ASH1L: variants seen among roughly 807,000 people sequenced by gnomAD.
ASH1L encodes ASH1 like histone lysine methyltransferase, also known as histone-lysine N-methyltransferase ASH1L.
A neutral mutation model predicts 269.0 loss-of-function variants in ASH1L; 23 were observed. The observed-to-expected ratio is 0.09, with a 90% confidence interval of 0.06 to 0.12. The LOEUF is 0.12. Ranked by LOEUF, ASH1L falls within the 10% of genes least tolerant of loss-of-function variation. ASH1L has a pLI of 1.00. For synonymous variants in ASH1L, 1,187 were observed against 1,253.5 expected (o/e 0.95, Z 1.12); for missense variants, 2,912 against 3,567.8 (o/e 0.82, Z 4.68).
At position 155,529,775 on chromosome 1, in the gene ASH1L, T is replaced by A. The variant is rs559114871; in HGVS notation, c.-99-8157A>T. Among the ~76,000 whole-genome samples the A allele has an allele frequency of 1.4e-4, 22 of 152,126 alleles. No individual in the cohort carries two copies. In the East Asian group the frequency reaches 3.5e-3, roughly 24 times the overall value. On this transcript the variant is annotated intron_variant, in intron 1 of 27. Transcript: ENST00000392403. Reference sequence around the variant, plus strand: ...ATCTCCCTCAAAGCAGAAGCCAAAATTTTTTAAATGGTCTAAAGATCCAAT... The same window carrying A: ...ATCTCCCTCAAAGCAGAAGCCAAAAATTTTTAAATGGTCTAAAGATCCAAT...
chr1:155,473,299 T>C (rs933948113), intron 3 of ASH1L, among the ~76,000 whole-genome samples: 3 of 152,128 alleles, frequency 2.0e-5, no homozygotes, highest in Admixed American at 6.6e-5. Flanking sequence ...GTGTGGCTTC[T>C]CTCAATGTTT....
rs1245672030 is a variant in ASH1L, at chr1:155,335,746, G to C, written c.*1914C>G. ...CGTAGTGTCTTTTGCTTCTGTTCTC[G>C]CATTTTACAAAGTTTTTTTTTCTTT... On this transcript the variant is annotated 3_prime_UTR_variant, in exon 28 of 28. Coordinates refer to ENST00000392403, the MANE Select transcript of ASH1L (RefSeq NM_018489.3). 2.0e-4 allele frequency: 30 copies of C among 152,098 alleles called. No homozygotes were observed. The highest frequency in any genetic ancestry group is 2.9e-5 in the Non-Finnish European group (2 of 67,922). 9.4% of individuals were successfully genotyped at this position (152,098 alleles called of 1,614,324 possible). A position where few individuals can be genotyped will look rare whatever the true frequency, so the allele number is the denominator to read the frequency against.
intron 2 of ASH1L, among the ~76,000 whole-genome samples, chr1:155,504,036 A>T (rs1571003899): frequency 6.6e-6 from 1 of 152,196 alleles, no homozygotes; most frequent in Non-Finnish European, 1.5e-5. Context: ...AACTCTTGAC[A>T]TAAGGCATCT....
chr1:155,354,271 C>T (rs1320986812), intron 16 of ASH1L, among the ~76,000 whole-genome samples: 1 of 152,110 alleles, frequency 6.6e-6, no homozygotes, highest in Non-Finnish European at 1.5e-5. Flanking sequence ...GGCAAAACCC[C>T]CTCTCTACTA....
At position 155,479,167 on chromosome 1, in the gene ASH1L, G is replaced by C. The variant is rs1193115039; in HGVS notation, c.3703C>G (p.Pro1235Ala). ...CTGCTTAGCACTGTAGAGGTTTCAG[G>C]GGGAATCAGAGAAACATGCTCAAAA... ...HSFEHVSLIPPETSTVLSSLK... is the reference protein window; with the variant it reads ...HSFEHVSLIPAETSTVLSSLK... Residue 1235 changes from proline (P) to alanine (A), a missense_variant, in exon 3 of 28, where the codon CCT becomes GCT. This residue lies in a region of ASH1L where 789 missense variants were observed against 897.6 expected (regional missense o/e 0.88). Transcript: ENST00000392403. 1.2e-6 allele frequency: 2 copies of C among 1,614,042 alleles called. No individual in the cohort carries two copies. The highest frequency in any genetic ancestry group is 1.7e-6 in the Non-Finnish European group (2 of 1,179,986).
chr1:155,367,030 G>A (rs1251093237), intron 12 of ASH1L, among the ~76,000 whole-genome samples: 1 of 125,618 alleles, frequency 8.0e-6, no homozygotes, highest in African/African-American at 3.0e-5. Flanking sequence ...GTCTTGCTCT[G>A]TCACACAGGC....
intron 2 of ASH1L, among the ~76,000 whole-genome samples, chr1:155,497,093 T>C (rs1667202252): frequency 6.6e-6 from 1 of 152,208 alleles, no homozygotes; most frequent in African/African-American, 2.4e-5. Context: ...GTGGCTACTC[T>C]TGCTTATTTT....
Position 155,427,279 on chromosome 1 carries a change from C to G in ASH1L, c.5828+11048G>C, listed in dbSNP as rs1661229392. 2.6e-5 allele frequency among the ~76,000 whole-genome samples: 4 copies of G among 151,680 alleles called. 1 individual carries two copies. The South Asian group carries it at 8.3e-4, about 32-fold the overall frequency. ...CCTCATGAGTAGCTGGGATTACAGG[C>G]ATGCAGCACCACACCTGGCTAATTT... On this transcript the variant is annotated intron_variant, in intron 5 of 27. Transcript: ENST00000392403.
intron 4 of ASH1L, among the ~76,000 whole-genome samples, chr1:155,455,046 A>G (rs1663776928): frequency 6.6e-6 from 1 of 152,204 alleles, no homozygotes; most frequent in South Asian, 2.1e-4. Flanking sequence ...GAAGGGATTT[A>G]TGTTCTCTAG....
At chr1:155,487,232 T>G (rs553477692) in intron 2 of ASH1L, among the ~76,000 whole-genome samples, 12 of 151,714 alleles carry the variant, frequency 7.9e-5, no homozygotes, top group Non-Finnish European at 1.8e-4. Flanking sequence ...AAAAACAGAG[T>G]ACCTATTCTG....
Position 155,505,627 on chromosome 1 carries a change from ATTAT to A in ASH1L, c.420+15469_420+15472del. 2.6e-5 allele frequency among the ~76,000 whole-genome samples: 4 copies of A among 152,336 alleles called. No individual in the cohort carries two copies. The Middle Eastern group carries it at 0.014, about 518-fold the overall frequency. ...GTTTATTAAGATGACAATGTTTAAA[ATTAT>A]TAATAATGGTTTCGTAACTCTGTAT... On this transcript the variant is annotated intron_variant, in intron 2 of 27. Coordinates refer to ENST00000392403, the MANE Select transcript of ASH1L (RefSeq NM_018489.3).
chr1:155,481,488 G>T lies in ASH1L; in HGVS notation c.1382C>A (p.Thr461Asn), dbSNP rs745568387. The T allele has an allele frequency of 6.2e-7, 1 of 1,613,886 alleles. No individual in the cohort carries two copies. The highest frequency in any genetic ancestry group is 8.5e-7 in the Non-Finnish European group (1 of 1,179,988). The change falls in exon 3 of 28, where the codon ACC becomes AAC. Residue 461 changes from threonine to asparagine, a missense_variant. Transcript: ENST00000392403. The part of the protein sequence containing the change: ...ELSESLKDSA[T>N]SKTFEKNVVR... ...AACATTCTTTTCAAAAGTTTTGCTG[G>T]TGGCACTATCTTTCAGGGATTCAGA...
intron 7 of ASH1L, among the ~76,000 whole-genome samples, chr1:155,382,694 A>G (rs746776926): frequency 6.6e-6 from 1 of 151,498 alleles, no homozygotes; most frequent in Non-Finnish European, 1.5e-5. Context: ...CTTGCCCCTG[A>G]GTGGGCCTAG....
intron 2 of ASH1L, among the ~76,000 whole-genome samples, chr1:155,508,187 C>A (rs1255375052): frequency 6.6e-6 from 1 of 152,138 alleles, no homozygotes; most frequent in Non-Finnish European, 1.5e-5. Context: ...TTCTAAAATA[C>A]TGCTGTAGAA....
At chr1:155,346,556 G>T in intron 20 of ASH1L, 87 bp from the exon 21 acceptor site, 1 of 1,081,360 alleles carries the variant, frequency 9.2e-7, no homozygotes. Flanking sequence ...ATTAGCAATA[G>T]GTCAGGGTAA....
chr1:155,436,894 A>C (rs1293651832), intron 5 of ASH1L, among the ~76,000 whole-genome samples: 1 of 152,204 alleles, frequency 6.6e-6, no homozygotes, highest in East Asian at 1.9e-4. Context: ...ATTCTTTTGC[A>C]TGCAGATACC....
chr1:155,540,423 C>G (rs1670349745), intron 1 of ASH1L, among the ~76,000 whole-genome samples: 1 of 152,138 alleles, frequency 6.6e-6, no homozygotes, highest in African/African-American at 2.4e-5. Context: ...CTGGCCTCAC[C>G]ATTCCCCACA....
chr1:155,433,576 C>T lies in ASH1L; in HGVS notation c.5828+4751G>A, dbSNP rs777791413. 6 of 1,610,982 alleles carry T rather than the reference C, an allele frequency of 3.7e-6. No homozygotes were observed. The South Asian group carries it at 6.6e-5, about 18-fold the overall frequency. On this transcript the variant is annotated intron_variant, in intron 5 of 27. Coordinates refer to ENST00000392403, the MANE Select transcript of ASH1L (RefSeq NM_018489.3). ...TGGAGAAGGAGAAGCTGGAGCAAAA[C>T]CCGCAGGAGTCCCAGAACATCAAAG...
chr1:155,352,473 A>AT (rs1654018818), intron 17 of ASH1L, among the ~76,000 whole-genome samples: 1 of 151,896 alleles, frequency 6.6e-6, no homozygotes, highest in South Asian at 2.1e-4. Context: ...AGCCACTATA[A>AT]TATCAAAGAT....
Sources: gnomAD v4.1 joint callset for allele counts (sites outside exome capture counted in the v4.1 genomes callset) on GRCh38, gnomAD v4.1.1 for gene constraint, gnomAD v4.1.1 regional missense constraint, MANE v1.5 for transcripts, NCBI Gene and HGNC (gene_info 2026-07-23, HGNC 2026-07-21) for gene names.